The following RYR2 variants were observed in gnomAD, a reference collection of about 807,000 sequenced individuals.
The protein encoded by RYR2 is ryanodine receptor 2, also known as cardiac muscle ryanodine receptor-calcium release channel.
RYR2 carries 227 observed loss-of-function variants against 601.1 expected under a neutral mutation model. The observed-to-expected ratio is 0.38, with a 90% CI of 0.34 to 0.42. The LOEUF (loss-of-function observed/expected upper bound fraction) is 0.42. RYR2 is among the 10% of genes least tolerant of loss of function. The probability of loss-of-function intolerance (pLI) is 1.00; values close to 1 mark genes in which losing one functional copy is unlikely to be tolerated. For missense variants in RYR2, 4,646 were observed against 6,156.5 expected (o/e 0.75, Z 8.21); for synonymous variants, 2,223 against 2,175.1 (o/e 1.02, Z -0.61).
chr1:237,549,074 C>G (rs1670112488), intron 26 of RYR2, among the ~76,000 whole-genome samples: 1 of 152,174 alleles, frequency 6.6e-6, no homozygotes, highest in Non-Finnish European at 1.5e-5. Context: ...GCAATTCATT[C>G]CGCACAAGGG....
intron 38 of RYR2, among the ~76,000 whole-genome samples, chr1:237,618,818 A>G (rs977488537): frequency 6.6e-6 from 1 of 152,182 alleles, no homozygotes; most frequent in Non-Finnish European, 1.5e-5. Context: ...CCCGCTGAGT[A>G]GTAACAAGGC....
chr1:237,694,957 A>G (rs1030916062), intron 63 of RYR2, among the ~76,000 whole-genome samples: 2 of 152,224 alleles, frequency 1.3e-5, no homozygotes, highest in Non-Finnish European at 2.9e-5. Flanking sequence ...TTCAGAGAAA[A>G]GAATACAATA....
chr1:237,746,281 A>C (rs959491037), intron 80 of RYR2, among the ~76,000 whole-genome samples: 6 of 152,184 alleles, frequency 3.9e-5, no homozygotes, highest in African/African-American at 1.4e-4. Context: ...ATATCAAATA[A>C]ATTTGGAAAT....
At chr1:237,516,312 T>G (rs2147816969) in intron 24 of RYR2, among the ~76,000 whole-genome samples, 1 of 151,932 alleles carries the variant, frequency 6.6e-6, no homozygotes, top group South Asian at 2.1e-4. Flanking sequence ...AGAGATGGGG[T>G]TTCGCCATCT....
chr1:237,214,731 A>G (rs1395481509), intron 1 of RYR2, among the ~76,000 whole-genome samples: 1 of 152,222 alleles, frequency 6.6e-6, no homozygotes, highest in Non-Finnish European at 1.5e-5. Flanking sequence ...AATGTGTAGC[A>G]AGGGTAGTTT....
intron 25 of RYR2, among the ~76,000 whole-genome samples, chr1:237,541,792 T>C (rs908265268): frequency 2.6e-5 from 4 of 151,918 alleles, no homozygotes; most frequent in Non-Finnish European, 4.4e-5. Context: ...AGGTGTTCAG[T>C]GGGGGAGCTT....
At chr1:237,652,748 G>T (rs1682888983) in intron 51 of RYR2, among the ~76,000 whole-genome samples, 1 of 151,994 alleles carries the variant, frequency 6.6e-6, no homozygotes, top group Non-Finnish European at 1.5e-5. Context: ...CGTGAAAAAA[G>T]ATACAGTCTC....
intron 1 of RYR2, among the ~76,000 whole-genome samples, chr1:237,080,764 G>T (rs1665518142): frequency 1.1e-5 from 1 of 88,824 alleles, no homozygotes; most frequent in Admixed American, 1.2e-4. Flanking sequence ...ATTTGACCCA[G>T]CCATCCCATT....
In RYR2 at chr1:237,745,250, G is replaced by C. The variant is rs181714633; in HGVS notation, c.11145+2901G>C. 2.4e-3 allele frequency among the ~76,000 whole-genome samples: 360 copies of C among 152,240 alleles called. 3 individuals are homozygous for C. The highest frequency in any genetic ancestry group is 8.3e-3 in the African/African-American group (344 of 41,554). ...TATAATGGTTAATGGCATACAATGG[G>C]CCTAACACTTAATAATATATTATGG... On this transcript the variant is annotated intron_variant, in intron 80 of 104. Transcript: ENST00000366574.
At chr1:237,094,081 C>G (rs1328708233) in intron 1 of RYR2, among the ~76,000 whole-genome samples, 1 of 152,204 alleles carries the variant, frequency 6.6e-6, no homozygotes, top group Non-Finnish European at 1.5e-5. Flanking sequence ...TGGCCTGACT[C>G]CCTTCTTCGA....
chr1:237,203,792 A>G (rs2149057509), intron 1 of RYR2, among the ~76,000 whole-genome samples: 1 of 152,320 alleles, frequency 6.6e-6, no homozygotes, highest in Non-Finnish European at 1.5e-5. Context: ...ACATGTTACC[A>G]AGCTCCTAAT....
chr1:237,248,273 C>CCCCCA (rs1558494580), intron 1 of RYR2, among the ~76,000 whole-genome samples: 1 of 19,018 alleles, frequency 5.3e-5, no homozygotes, highest in Non-Finnish European at 1.5e-4. Flanking sequence ...CTCCACCCCC[C>CCCCCA]GCAACCCCGC....
At chr1:237,822,050 T>C (rs1439082742) in intron 101 of RYR2, among the ~76,000 whole-genome samples, 1 of 152,092 alleles carries the variant, frequency 6.6e-6, no homozygotes, top group Admixed American at 6.5e-5. Flanking sequence ...ATACGTTTGA[T>C]TGGTGTACCT....
intron 6 of RYR2, among the ~76,000 whole-genome samples, chr1:237,370,862 G>C (rs1403570114): frequency 6.6e-6 from 1 of 152,010 alleles, no homozygotes; most frequent in Non-Finnish European, 1.5e-5. Flanking sequence ...GGGTTTCACC[G>C]TGTTAGCCAG....
chr1:237,581,136 G>C (rs1673872050), intron 29 of RYR2, among the ~76,000 whole-genome samples: 1 of 152,176 alleles, frequency 6.6e-6, no homozygotes, highest in South Asian at 2.1e-4. Context: ...TTAAAAATAA[G>C]TGAGAGAGTC....
chr1:237,827,993 G>A lies in RYR2; in HGVS notation c.14591-388G>A, dbSNP rs138331865. On this transcript the variant is annotated intron_variant, in intron 101 of 104. Transcript: ENST00000366574. The stretch of plus-strand genomic sequence containing the variant: ...ACTTGAGGCAGATTTCTTCGTTTAA[G>A]TGGTGATGTTTCATTTCTACATTAG... Among the ~76,000 whole-genome samples, 5 of 146,672 alleles carry A rather than the reference G, an allele frequency of 3.4e-5. No individual in the cohort carries two copies. In the East Asian group the frequency reaches 9.9e-4, roughly 29 times the overall value.
chr1:237,748,186 G>A (rs1021752601), intron 80 of RYR2, among the ~76,000 whole-genome samples: 1 of 152,152 alleles, frequency 6.6e-6, no homozygotes, highest in Non-Finnish European at 1.5e-5. Context: ...GGGAGGGCAA[G>A]TAGAAGATAG....
chr1:237,726,752 G>A (rs1400514224), intron 75 of RYR2, among the ~76,000 whole-genome samples: 1 of 152,006 alleles, frequency 6.6e-6, no homozygotes, highest in South Asian at 2.1e-4. Context: ...TTGAGAAGGA[G>A]ATAAAATGAT....
chr1:237,556,897 A>C (rs1572862323), intron 27 of RYR2, among the ~76,000 whole-genome samples: 2 of 138,416 alleles, frequency 1.4e-5, no homozygotes, highest in South Asian at 4.5e-4. Context: ...AAAAAAAAAA[A>C]AAAAAAAAAA....
Sources: allele counts gnomAD v4.1 joint callset (sites outside exome capture counted in the v4.1 genomes callset), GRCh38; gene constraint gnomAD v4.1.1; transcripts MANE v1.5; gene names NCBI Gene and HGNC (gene_info 2026-07-23, HGNC 2026-07-21).